MAST4: variants seen among roughly 807,000 people sequenced by gnomAD.
MAST4 encodes microtubule associated serine/threonine kinase family member 4, also known as microtubule-associated serine/threonine-protein kinase 4.
In MAST4, 89 loss-of-function variants were observed where a neutral mutation model predicts 162.7. That is an observed-to-expected ratio of 0.55 (90% CI 0.46 to 0.65). MAST4 has a LOEUF of 0.65. Ranked by LOEUF, MAST4 falls within the 30% of genes least tolerant of loss-of-function variation. MAST4 has a pLI of 0.00. For synonymous variants in MAST4, 1,479 were observed against 1,361.1 expected (o/e 1.09, Z -1.91); for missense variants, 3,153 against 3,374.0 (o/e 0.93, Z 1.62).
chr5:66,617,432 A>G (rs1743766328), intron 1 of MAST4, among the ~76,000 whole-genome samples: 1 of 152,032 alleles, frequency 6.6e-6, no homozygotes, highest in Non-Finnish European at 1.5e-5. Context: ...TTTCAAAACC[A>G]GTGTTTTTTC....
chr5:66,692,914 C>G (rs1580211951), intron 1 of MAST4, among the ~76,000 whole-genome samples: 1 of 151,770 alleles, frequency 6.6e-6, no homozygotes, highest in Non-Finnish European at 1.5e-5. Flanking sequence ...TGTGCTTACA[C>G]AGTCGTCTGT....
intron 4 of MAST4, among the ~76,000 whole-genome samples, chr5:66,991,458 T>A (rs771156609): frequency 5.3e-5 from 8 of 152,188 alleles, no homozygotes; most frequent in Non-Finnish European, 1.0e-4. Flanking sequence ...GTGATTTGAG[T>A]GACTGGGCCA....
At chr5:67,037,474 TA>T (rs1756166067) in intron 4 of MAST4, among the ~76,000 whole-genome samples, 1 of 152,150 alleles carries the variant, frequency 6.6e-6, no homozygotes, top group Non-Finnish European at 1.5e-5. Flanking sequence ...ATTTAGTACA[TA>T]AAAAGCATTT....
chr5:67,110,605 G>C (rs1766122715), intron 11 of MAST4, among the ~76,000 whole-genome samples: 1 of 152,182 alleles, frequency 6.6e-6, no homozygotes, highest in South Asian at 2.1e-4. Context: ...TATAATTATT[G>C]TTTGTTTTAA....
chr5:66,746,843 C>T (rs1335505048), intron 1 of MAST4, among the ~76,000 whole-genome samples: 14 of 152,084 alleles, frequency 9.2e-5, no homozygotes, highest in Admixed American at 1.3e-4. Flanking sequence ...TAGTATTTTC[C>T]GTGTTCTCCC....
At chr5:66,808,637 A>G (rs1044843680) in intron 3 of MAST4, among the ~76,000 whole-genome samples, 1 of 152,194 alleles carries the variant, frequency 6.6e-6, no homozygotes, top group African/African-American at 2.4e-5. Flanking sequence ...TTGCCAGATC[A>G]GGGCCAGGGC....
intron 3 of MAST4, among the ~76,000 whole-genome samples, chr5:66,883,999 T>G (rs911118422): frequency 6.6e-6 from 1 of 152,176 alleles, no homozygotes; most frequent in African/African-American, 2.4e-5. Context: ...CGTAGCACAA[T>G]TCAAGACTGA....
chr5:67,150,936 A>C (rs1177389914), intron 24 of MAST4, among the ~76,000 whole-genome samples: 1 of 152,196 alleles, frequency 6.6e-6, no homozygotes, highest in African/African-American at 2.4e-5. Flanking sequence ...AAGAATTGAA[A>C]TAGTGGGTAG....
chr5:67,051,617 A>G (rs879484307), intron 4 of MAST4, among the ~76,000 whole-genome samples: 5 of 151,902 alleles, frequency 3.3e-5, no homozygotes, highest in Non-Finnish European at 7.4e-5. Flanking sequence ...AGATTGGATG[A>G]CTCTTCCTTC....
At chr5:66,667,185 G>A (rs1747314300) in intron 1 of MAST4, among the ~76,000 whole-genome samples, 1 of 152,120 alleles carries the variant, frequency 6.6e-6, no homozygotes, top group Admixed American at 6.5e-5. Context: ...AAAATGAACT[G>A]CTTTAGACCA....
At chr5:67,078,848 T>TTA (rs552369051) in intron 5 of MAST4, among the ~76,000 whole-genome samples, 3,199 of 110,766 alleles carry the variant, frequency 0.029, 270 homozygotes, top group African/African-American at 0.11. Context: ...TTAAATATAT[T>TTA]TATATATTTA....
At chr5:67,021,653 T>TAGGG (rs1264859585) in intron 4 of MAST4, among the ~76,000 whole-genome samples, 1 of 152,168 alleles carries the variant, frequency 6.6e-6, no homozygotes, top group Non-Finnish European at 1.5e-5. Flanking sequence ...CAGTTTTGAT[T>TAGGG]AGGGACACCC....
At chr5:67,143,265 GAAAAAAAAAGCCAAAAA>G (rs1258005455) in intron 21 of MAST4, among the ~76,000 whole-genome samples, 1 of 79,490 alleles carries the variant, frequency 1.3e-5, no homozygotes, top group Non-Finnish European at 2.8e-5. Flanking sequence ...CCACAAAAAG[GAAAAAAAAAGCCAAAAA>G]AAAAAAAAAG....
intron 19 of MAST4, among the ~76,000 whole-genome samples, chr5:67,139,989 A>G (rs1770160826): frequency 6.6e-6 from 1 of 152,246 alleles, no homozygotes; most frequent in Non-Finnish European, 1.5e-5. Flanking sequence ...GAAGGCTCTC[A>G]GCAGCTTGGG....
In MAST4 at chr5:66,998,146, A is replaced by G. The variant is rs376791220; in HGVS notation, c.675-56258A>G. 6.6e-5 allele frequency among the ~76,000 whole-genome samples: 10 copies of G among 152,372 alleles called. No individual in the cohort carries two copies. In the East Asian group the frequency reaches 1.7e-3, roughly 26 times the overall value. Reference sequence around the variant, plus strand: ...TAAATTACAGAAAGGTCTTAGTGTCAGCTACGAAAGGGCTAAATATAACCA... The same window carrying G: ...TAAATTACAGAAAGGTCTTAGTGTCGGCTACGAAAGGGCTAAATATAACCA... On this transcript the variant is annotated intron_variant, in intron 4 of 28. Transcript: ENST00000403625.
intron 4 of MAST4, among the ~76,000 whole-genome samples, chr5:66,979,990 C>T (rs1467762199): frequency 6.7e-6 from 1 of 149,216 alleles, no homozygotes; most frequent in Non-Finnish European, 1.5e-5. Flanking sequence ...AATCCTCAGG[C>T]ACCACTATTA....
intron 1 of MAST4, among the ~76,000 whole-genome samples, chr5:66,736,111 C>T (rs909908287): frequency 6.6e-6 from 1 of 152,116 alleles, no homozygotes; most frequent in African/African-American, 2.4e-5. Flanking sequence ...ACCCTAGCAC[C>T]ATCTTGTTTG....
intron 5 of MAST4, among the ~76,000 whole-genome samples, chr5:67,087,758 A>G (rs1763407135): frequency 6.6e-6 from 1 of 152,214 alleles, no homozygotes; most frequent in South Asian, 2.1e-4. Context: ...ACGTATATAT[A>G]TATTTGCATT....
chr5:66,642,709 C>T (rs75076783), intron 1 of MAST4, among the ~76,000 whole-genome samples: 3,244 of 152,220 alleles, frequency 0.021, 50 homozygotes, highest in Non-Finnish European at 0.033. Flanking sequence ...ATTATGATGT[C>T]ATTACTCATG....
Sources: gnomAD v4.1 joint callset for allele counts (sites outside exome capture counted in the v4.1 genomes callset) on GRCh38, gnomAD v4.1.1 for gene constraint, MANE v1.5 for transcripts, NCBI Gene and HGNC (gene_info 2026-07-23, HGNC 2026-07-21) for gene names.